Variants in CALN1 observed in about 807,000 individuals in gnomAD.
CALN1 encodes calcium-binding protein 8.
In CALN1, 17 loss-of-function variants were observed where a neutral mutation model predicts 30.6. The observed-to-expected ratio is 0.56, with a 90% CI of 0.38 to 0.83. The LOEUF (loss-of-function observed/expected upper bound fraction) is 0.83. Ranked by LOEUF, CALN1 falls within the 40% of genes least tolerant of loss-of-function variation. CALN1 has a pLI of 0.00. For synonymous variants in CALN1, 156 were observed against 131.4 expected, an observed-to-expected ratio of 1.19 and a Z score of -1.28; for missense variants, 291 against 354.9, an observed-to-expected ratio of 0.82 and a Z score of 1.45.
intron 5 of CALN1, among the ~76,000 whole-genome samples, chr7:71,897,972 C>CAAAAAAAAAAA (rs1207497270): frequency 1.2e-4 from 7 of 59,060 alleles, no homozygotes; most frequent in Admixed American, 2.8e-4. Context: ...AAACAAAAAA[C>CAAAAAAAAAAA]AAAAAAAAAA....
intron 3 of CALN1, among the ~76,000 whole-genome samples, chr7:72,150,184 T>C (rs553733505): frequency 6.6e-6 from 1 of 151,472 alleles, no homozygotes; most frequent in Non-Finnish European, 1.5e-5. Context: ...CTGCCTTCTG[T>C]TGAGCAGAAG....
At chr7:72,277,454 A>C (rs567171419) in intron 3 of CALN1, among the ~76,000 whole-genome samples, 2 of 152,306 alleles carry the variant, frequency 1.3e-5, no homozygotes, top group African/African-American at 4.8e-5. Flanking sequence ...GTCTTTGTCC[A>C]GACCACAGTG....
chr7:72,480,014 T>C, the CALN1 span, among the ~76,000 whole-genome samples: 1 of 152,270 alleles, frequency 6.6e-6, no homozygotes. Flanking sequence ...TTAGCTTAAT[T>C]GCTGTAGCTT....
chr7:71,951,318 G>A (rs1006120973), intron 5 of CALN1, among the ~76,000 whole-genome samples: 5 of 152,084 alleles, frequency 3.3e-5, no homozygotes, highest in Non-Finnish European at 5.9e-5. Flanking sequence ...ACGGCCGGGC[G>A]CATGGCTCAT....
At chr7:71,801,452 C>G (rs1334684613) in intron 6 of CALN1, among the ~76,000 whole-genome samples, 2 of 151,704 alleles carry the variant, frequency 1.3e-5, no homozygotes, top group East Asian at 3.9e-4. Context: ...ATCTATCTAT[C>G]TATCTATCTA....
Position 72,338,470 on chromosome 7 carries a change from A to AGAGAGTGTGT in CALN1, c.120-59661_120-59660insACACACTCTC, listed in dbSNP as rs1031551970. On this transcript the variant is annotated intron_variant, in intron 2 of 6. Transcript: ENST00000395275. Reference sequence around the variant, plus strand: ...GGGCGTTTTTGTCAGCCAGCAGCACAGTGTGTGTGTGTGTGTGTGTGTGTG... The same window carrying AGAGAGTGTGT: ...GGGCGTTTTTGTCAGCCAGCAGCACAGAGAGTGTGTGTGTGTGTGTGTGTGTGTGTGTGTG... 1.3e-4 allele frequency among the ~76,000 whole-genome samples: 10 copies of AGAGAGTGTGT among 74,804 alleles called. No individual in the cohort carries two copies. The East Asian group carries it at 2.5e-3, about 19-fold the overall frequency. 49.1% of individuals were successfully genotyped at this position (74,804 alleles called of 152,430 possible).
At chr7:72,424,925 C>T (rs1807748421) in intron 1 of CALN1, among the ~76,000 whole-genome samples, 1 of 152,044 alleles carries the variant, frequency 6.6e-6, no homozygotes, top group South Asian at 2.1e-4. Context: ...GCAAGATTCA[C>T]AGGACTCACT....
chr7:71,949,152 A>G (rs771640693), intron 5 of CALN1, among the ~76,000 whole-genome samples: 14 of 151,898 alleles, frequency 9.2e-5, no homozygotes, highest in Non-Finnish European at 1.9e-4. Context: ...TATTGTGGAC[A>G]TTCAGAGTAA....
intron 2 of CALN1, among the ~76,000 whole-genome samples, chr7:72,318,466 T>C (rs1401585910): frequency 2.6e-5 from 4 of 152,196 alleles, no homozygotes; most frequent in African/African-American, 7.2e-5. Flanking sequence ...TCTTTCCACA[T>C]TGGTGTCCAG....
At chr7:72,420,015 G>A (rs1320991191) in intron 1 of CALN1, among the ~76,000 whole-genome samples, 7 of 152,084 alleles carry the variant, frequency 4.6e-5, no homozygotes, top group African/African-American at 1.2e-4. Context: ...ACAAGAACTC[G>A]GGTGTCAAAA....
chr7:72,110,926 C>T (rs1404014833), intron 3 of CALN1, among the ~76,000 whole-genome samples: 4 of 152,082 alleles, frequency 2.6e-5, no homozygotes, highest in African/African-American at 7.2e-5. Context: ...TCTAGGAGGA[C>T]GGCTCCCAGC....
chr7:71,969,553 A>C (rs913178380), intron 5 of CALN1, among the ~76,000 whole-genome samples: 1 of 152,202 alleles, frequency 6.6e-6, no homozygotes, highest in Admixed American at 6.5e-5. Flanking sequence ...ATTAAGGCTT[A>C]CTATCATGCA....
chr7:72,348,677 G>A (rs1802770479), intron 2 of CALN1, among the ~76,000 whole-genome samples: 1 of 152,160 alleles, frequency 6.6e-6, no homozygotes, highest in Non-Finnish European at 1.5e-5. Context: ...CACCCGGCGG[G>A]TACAATACAG....
the CALN1 span, among the ~76,000 whole-genome samples, chr7:72,475,733 G>A: frequency 6.6e-5 from 10 of 152,158 alleles, no homozygotes; most frequent in Non-Finnish European, 1.0e-4. Flanking sequence ...TATTAGGGAT[G>A]TTGTAGAAGA....
intron 5 of CALN1, among the ~76,000 whole-genome samples, chr7:72,017,726 T>C (rs1016489287): frequency 6.6e-6 from 1 of 152,210 alleles, no homozygotes; most frequent in Admixed American, 6.5e-5. Context: ...GAATATTTCA[T>C]TTCTTAAAAC....
At chr7:72,038,163 C>T (rs2129533354) in intron 4 of CALN1, among the ~76,000 whole-genome samples, 1 of 151,920 alleles carries the variant, frequency 6.6e-6, no homozygotes, top group African/African-American at 2.4e-5. Flanking sequence ...TTTTATTTAA[C>T]CGAGTCTCGC....
At chr7:72,213,959 G>A (rs1222421314) in intron 3 of CALN1, among the ~76,000 whole-genome samples, 2 of 152,294 alleles carry the variant, frequency 1.3e-5, no homozygotes, top group African/African-American at 2.4e-5. Flanking sequence ...TGAGGGTGGA[G>A]TAGAGACCCC....
chr7:72,105,167 T>C (rs949551003), intron 4 of CALN1, among the ~76,000 whole-genome samples: 1 of 152,152 alleles, frequency 6.6e-6, no homozygotes, highest in African/African-American at 2.4e-5. Flanking sequence ...CTGGCTACAC[T>C]GGGGCTACAC....
chr7:72,401,007 G>C (rs992105567), intron 2 of CALN1, among the ~76,000 whole-genome samples: 4 of 152,154 alleles, frequency 2.6e-5, no homozygotes, highest in Non-Finnish European at 5.9e-5. Flanking sequence ...ACTGCAGCGA[G>C]GAAACAGTGG....
Sources: allele counts gnomAD v4.1 joint callset (sites outside exome capture counted in the v4.1 genomes callset), GRCh38; gene constraint gnomAD v4.1.1; transcripts MANE v1.5; gene names NCBI Gene and HGNC (gene_info 2026-07-23, HGNC 2026-07-21).